Variants in DYRK1A observed in about 807,000 individuals in gnomAD.
DYRK1A encodes the protein dual specificity tyrosine phosphorylation regulated kinase 1A.
Under a neutral mutation model 79.7 loss-of-function variants are expected in DYRK1A, and 9 were observed. The observed-to-expected ratio is 0.11, with a 90% CI of 0.07 to 0.20. DYRK1A has a LOEUF of 0.20. DYRK1A is among the 10% of genes least tolerant of loss of function. The pLI, the probability that DYRK1A is intolerant of heterozygous loss-of-function variation, is 1.00. For missense variants in DYRK1A, 622 were observed against 956.0 expected (o/e 0.65, Z 4.61); for synonymous variants, 349 against 329.7 (o/e 1.06, Z -0.63).
intron 2 of DYRK1A, among the ~76,000 whole-genome samples, chr21:37,422,163 T>C (rs1005047310): frequency 5.9e-5 from 9 of 152,290 alleles, no homozygotes; most frequent in Non-Finnish European, 8.8e-5. Context: ...TTCAGCCTTG[T>C]ATTCTTTAAA....
intron 11 of DYRK1A, among the ~76,000 whole-genome samples, chr21:37,508,588 G>A (rs1416656643): frequency 6.6e-6 from 1 of 152,152 alleles, no homozygotes; most frequent in African/African-American, 2.4e-5. Flanking sequence ...CACCTGGCCT[G>A]TTTTCCTTAC....
chr21:37,444,090 C>T (rs2051191189), intron 2 of DYRK1A, among the ~76,000 whole-genome samples: 1 of 152,164 alleles, frequency 6.6e-6, no homozygotes, highest in African/African-American at 2.4e-5. Context: ...CTTTCTTCTG[C>T]TTCTCTTTCT....
chr21:37,486,636 G>C lies in DYRK1A; in HGVS notation c.637+22G>C, dbSNP rs55650427. ...ATAGGTAAACAAACAGGCAAACAGC[G>C]CAGTGTGCCCCAACCCACACCAAAA... On this transcript the variant is annotated intron_variant, in intron 6 of 11. Transcript: ENST00000647188. 1,172 of 1,499,400 alleles carry C rather than the reference G, an allele frequency of 7.8e-4. 2 individuals are homozygous for C. Among genetic ancestry groups the C allele is most frequent in the Non-Finnish European group, 9.9e-4 (1,112 of 1,121,222 alleles). 92.9% of individuals were successfully genotyped at this position (1,499,400 alleles called of 1,614,324 possible).
intron 1 of DYRK1A, among the ~76,000 whole-genome samples, chr21:37,369,040 A>T (rs1640448990): frequency 6.6e-6 from 1 of 152,170 alleles, no homozygotes; most frequent in Non-Finnish European, 1.5e-5. Flanking sequence ...TGTGTTTTGT[A>T]CTTCAAACAA....
intron 7 of DYRK1A, among the ~76,000 whole-genome samples, 160 bp downstream of exon 7, chr21:37,490,621 T>C (rs954950542): frequency 2.1e-5 from 3 of 143,390 alleles, no homozygotes; most frequent in Non-Finnish European, 4.6e-5. Flanking sequence ...GCCAACCTAA[T>C]AGATATTTGA....
At chr21:37,425,874 A>G (rs1809147844) in intron 2 of DYRK1A, 1 of 152,238 alleles carries the variant, frequency 6.6e-6, no homozygotes, top group East Asian at 1.9e-4. Flanking sequence ...GGACCTGAGA[A>G]TAGGAGAACC....
chr21:37,390,014 C>G (rs1318247985), intron 1 of DYRK1A, among the ~76,000 whole-genome samples: 2 of 151,470 alleles, frequency 1.3e-5, no homozygotes, highest in African/African-American at 2.4e-5. Context: ...GCCTGGAACT[C>G]CTGGGCTCAA....
intron 2 of DYRK1A, 22 bp from the exon 3 acceptor site, chr21:37,472,662 A>C: frequency 6.5e-7 from 1 of 1,549,504 alleles, no homozygotes; most frequent in Non-Finnish European, 8.8e-7. Context: ...ATTTCCTTTA[A>C]ACCTCACTTA....
intron 1 of DYRK1A, among the ~76,000 whole-genome samples, chr21:37,368,614 C>T (rs2049366007): frequency 6.6e-6 from 1 of 152,078 alleles, no homozygotes; most frequent in African/African-American, 2.4e-5. Flanking sequence ...AAGTGCCAGG[C>T]TCTGTTTTTA....
chr21:37,376,693 G>C (rs1183859863), intron 1 of DYRK1A, among the ~76,000 whole-genome samples: 1 of 151,986 alleles, frequency 6.6e-6, no homozygotes. Context: ...TGGACTAGAG[G>C]GAGTGTCCCT....
intron 1 of DYRK1A, among the ~76,000 whole-genome samples, chr21:37,402,463 A>G (rs1346361993): frequency 9.9e-5 from 15 of 152,144 alleles, no homozygotes; most frequent in Admixed American, 9.2e-4. Context: ...TTGTGATGAG[A>G]TGTAAGTGGT....
intron 2 of DYRK1A, among the ~76,000 whole-genome samples, chr21:37,459,629 C>T (rs920940449): frequency 6.6e-6 from 1 of 152,128 alleles, no homozygotes; most frequent in Non-Finnish European, 1.5e-5. Context: ...TAATACCCTG[C>T]TAGGAAGAAA....
chr21:37,425,399 T>G (rs1335422087), intron 2 of DYRK1A, among the ~76,000 whole-genome samples: 1 of 152,230 alleles, frequency 6.6e-6, no homozygotes, highest in African/African-American at 2.4e-5. Flanking sequence ...TTTCATAGTT[T>G]TATTTATGTT....
At chr21:37,438,565 C>A (rs1226853392) in intron 2 of DYRK1A, among the ~76,000 whole-genome samples, 1 of 152,060 alleles carries the variant, frequency 6.6e-6, no homozygotes, top group Non-Finnish European at 1.5e-5. Context: ...TATTGTAGAA[C>A]CATTTGTCAA....
At chr21:37,506,504 C>T in intron 11 of DYRK1A, 2 of 921,240 alleles carry the variant, frequency 2.2e-6, no homozygotes, top group Non-Finnish European at 1.6e-6. Flanking sequence ...TTTTGAGCCT[C>T]ATGCTTTTTT....
chr21:37,481,788 C>G (rs940620732), intron 5 of DYRK1A: 3 of 152,146 alleles, frequency 2.0e-5, no homozygotes, highest in African/African-American at 4.8e-5. Context: ...GAAGGATCAC[C>G]TGAGCCCAGT....
At chr21:37,385,304 T>C (rs1186437083) in intron 1 of DYRK1A, among the ~76,000 whole-genome samples, 1 of 152,172 alleles carries the variant, frequency 6.6e-6, no homozygotes, top group Non-Finnish European at 1.5e-5. Flanking sequence ...CTTTAGGGTC[T>C]TAGAAGGCTG....
intron 1 of DYRK1A, among the ~76,000 whole-genome samples, chr21:37,368,768 C>T (rs1569270903): frequency 6.6e-6 from 1 of 152,142 alleles, no homozygotes; most frequent in African/African-American, 2.4e-5. Flanking sequence ...TGTAGCCAGT[C>T]TGGAGTTGTG....
chr21:37,396,511 T>A (rs2049961900), intron 1 of DYRK1A, among the ~76,000 whole-genome samples: 2 of 147,222 alleles, frequency 1.4e-5, no homozygotes, highest in Non-Finnish European at 3.0e-5. Flanking sequence ...TGAATTAAAT[T>A]AATCCAAAGT....
Sources: gnomAD v4.1 joint callset for allele counts (sites outside exome capture counted in the v4.1 genomes callset) on GRCh38, gnomAD v4.1.1 for gene constraint, MANE v1.5 for transcripts, NCBI Gene and HGNC (gene_info 2026-07-23, HGNC 2026-07-21) for gene names.